Variants in CCDC187 observed in about 807,000 individuals in gnomAD.
CCDC187 encodes the protein coiled-coil domain-containing protein 187.
CCDC187 carries 32 observed loss-of-function variants against 38.0 expected under a neutral mutation model. That is an observed-to-expected ratio of 0.84 (90% confidence interval 0.64 to 1.13). CCDC187 has a LOEUF of 1.13. Ranked by LOEUF, CCDC187 falls within the 50% of genes most tolerant of loss-of-function variation. The pLI, the probability that CCDC187 is intolerant of heterozygous loss-of-function variation, is 0.00. For synonymous variants in CCDC187, 333 were observed against 347.9 expected (o/e 0.96, Z 0.48); for missense variants, 707 against 786.8 (o/e 0.90, Z 1.21).
chr9:136,294,070 ACT>A (rs1290072637), intron 4 of CCDC187, among the ~76,000 whole-genome samples: 1 of 142,996 alleles, frequency 7.0e-6, no homozygotes, highest in Non-Finnish European at 1.5e-5. Flanking sequence ...GCTCTCACAC[ACT>A]CACACGCTCA....
chr9:136,293,321 T>G lies in CCDC187; in HGVS notation c.833-1026A>C, dbSNP rs1212064165. ...CAAACACATGTTCACACACTCACAC[T>G]CACATGCTTACACACTCACACTCAC... On this transcript the variant is annotated intron_variant, in intron 4 of 25. Transcript: ENST00000638797. Among the ~76,000 whole-genome samples the G allele has an allele frequency of 1.0e-3, 136 of 130,752 alleles. 1 individual carries two copies. Among genetic ancestry groups the G allele is most frequent in the Middle Eastern group, 0.011 (2 of 182 alleles). 85.8% of individuals were successfully genotyped at this position (130,752 alleles called of 152,430 possible). A position where few individuals can be genotyped will look rare whatever the true frequency, so the allele number is the denominator to read the frequency against.
intron 12 of CCDC187, among the ~76,000 whole-genome samples, chr9:136,275,300 C>T (rs1016031822): frequency 2.0e-5 from 3 of 152,100 alleles, no homozygotes; most frequent in Non-Finnish European, 4.4e-5. Context: ...AACCCCAGCT[C>T]CGGTCCCGGC....
intron 9 of CCDC187, among the ~76,000 whole-genome samples, chr9:136,281,896 G>A (rs1831053077): frequency 6.6e-6 from 1 of 152,150 alleles, no homozygotes; most frequent in Non-Finnish European, 1.5e-5. Flanking sequence ...GCAGGGGTGA[G>A]TGGGTGGGGC....
chr9:136,279,860 G>A (rs1312506142), intron 10 of CCDC187, among the ~76,000 whole-genome samples: 2 of 152,240 alleles, frequency 1.3e-5, no homozygotes, highest in African/African-American at 4.8e-5. Flanking sequence ...GAATGGATGA[G>A]TGCCATCATT....
Position 136,291,284 on chromosome 9 carries a change from A to G in CCDC187, c.1329T>C (p.Ser443=). The change falls in exon 6 of 26, where the codon AGT becomes AGC. Residue 443 remains serine, a synonymous_variant. Coordinates refer to ENST00000638797, the MANE Select transcript of CCDC187 (RefSeq NM_001378188.1). ...RKHSSLERAR[S]VHTWEPWSSS... is the part of the protein sequence containing the mutation. ...AGCTCCAGGGCTCCCAGGTGTGGAC[A>G]CTCCTAGCCCTCTCTAAAGAGGAAT... The G allele has an allele frequency of 2.5e-6, 1 of 398,616 alleles. No individual in the cohort carries two copies. Among genetic ancestry groups the G allele is most frequent in the African/African-American group, 2.1e-5 (1 of 48,710 alleles). The allele number at this position is 398,616 out of a possible 1,614,324, so 24.7% of individuals were successfully genotyped here.
At chr9:136,262,798 C>T (rs1830695059) in intron 18 of CCDC187, among the ~76,000 whole-genome samples, 1 of 152,192 alleles carries the variant, frequency 6.6e-6, no homozygotes, top group Non-Finnish European at 1.5e-5. Context: ...TCATTCAATC[C>T]TCATCCCCAC....
intron 4 of CCDC187, among the ~76,000 whole-genome samples, chr9:136,293,481 T>C (rs1405840254): frequency 1.5e-5 from 2 of 129,720 alleles, no homozygotes; most frequent in African/African-American, 3.2e-5. Context: ...GCTCACACAC[T>C]CACAAACACA....
At chr9:136,282,257 G>A (rs1831062862) in intron 9 of CCDC187, among the ~76,000 whole-genome samples, 1 of 152,202 alleles carries the variant, frequency 6.6e-6, no homozygotes, top group Non-Finnish European at 1.5e-5. Flanking sequence ...CTGTGACCAT[G>A]GAGGCAGGTA....
chr9:136,298,178 A>G (rs1471616505), intron 3 of CCDC187, among the ~76,000 whole-genome samples: 4 of 152,180 alleles, frequency 2.6e-5, no homozygotes, highest in African/African-American at 9.6e-5. Flanking sequence ...TCCAGCACCC[A>G]GCTGGGGGCC....
chr9:136,258,883 G>A lies in CCDC187; in HGVS notation c.4366+49C>T. 1.0e-6 allele frequency: 1 copy of A among 985,578 alleles called. No individual in the cohort carries two copies. The highest frequency in any genetic ancestry group is 1.2e-6 in the Non-Finnish European group (1 of 830,038). 61.1% of individuals were successfully genotyped at this position (985,578 alleles called of 1,614,324 possible). A position where few individuals can be genotyped will look rare whatever the true frequency, so the allele number is the denominator to read the frequency against. ...CGGACAGGCTCTGCTGGATGTGGGG[G>A]AAGTGTCTGGCGCCGTGGAGGCCCA... On this transcript the variant is annotated intron_variant, in intron 22 of 25. Coordinates refer to ENST00000638797, the MANE Select transcript of CCDC187 (RefSeq NM_001378188.1). The surrounding 1 kb of genome is among the most constrained non-coding windows in gnomAD (Gnocchi z 4.3).
chr9:136,267,674 T>C, intron 15 of CCDC187, 163 bp from the exon 16 acceptor site: 1 of 903,710 alleles, frequency 1.1e-6, no homozygotes, highest in Non-Finnish European at 1.3e-6. Context: ...GCCCCTCCCA[T>C]CCCCCTATGC....
chr9:136,305,997 G>A (rs1461516826), upstream of CCDC187, among the ~76,000 whole-genome samples: 3 of 152,208 alleles, frequency 2.0e-5, no homozygotes, highest in Admixed American at 6.5e-5. Context: ...TCCGTGCCAC[G>A]GGGACCGCTC....
intron 10 of CCDC187, among the ~76,000 whole-genome samples, chr9:136,279,305 G>T (rs945683473): frequency 0.033 from 5,082 of 152,254 alleles, 130 homozygotes; most frequent in Non-Finnish European, 0.05. Context: ...AGTCTAGAAG[G>T]TTCCATTGGA....
intron 19 of CCDC187, among the ~76,000 whole-genome samples, chr9:136,260,741 CT>C: frequency 6.6e-6 from 1 of 152,316 alleles, no homozygotes; most frequent in East Asian, 1.9e-4. Flanking sequence ...AAGGGTGCCC[CT>C]GAGCATTTCC....
intron 21 of CCDC187, 61 bp downstream of exon 21, chr9:136,259,302 G>GCAGAATGTTGT (rs782618825): frequency 1.9e-6 from 1 of 539,554 alleles, no homozygotes; most frequent in Non-Finnish European, 2.3e-6. Context: ...CAGAATGTTG[G>GCAGAATGTTGT]GGGGGGGTGG....
At chr9:136,301,310 T>A (rs1436397409) in intron 2 of CCDC187, among the ~76,000 whole-genome samples, 1 of 149,360 alleles carries the variant, frequency 6.7e-6, no homozygotes, top group African/African-American at 2.5e-5. Context: ...TGCACTGCCT[T>A]AAAAAAACAA....
intron 4 of CCDC187, among the ~76,000 whole-genome samples, chr9:136,293,996 A>G (rs961609227): frequency 1.9e-4 from 28 of 144,820 alleles, no homozygotes; most frequent in Admixed American, 1.2e-3. Flanking sequence ...ACACACTCAC[A>G]CTCATATACA....
chr9:136,303,330 A>G, intron 1 of CCDC187, 37 bp from the exon 2 acceptor site: 1 of 396,282 alleles, frequency 2.5e-6, no homozygotes, highest in Non-Finnish European at 4.4e-6. Context: ...TCAGACATGC[A>G]GGCGCAGAGG....
At position 136,257,118 on chromosome 9, in the gene CCDC187, T is replaced by C. The variant is rs879976579; in HGVS notation, c.4367-277A>G. On this transcript the variant is annotated intron_variant, in intron 22 of 25. Coordinates refer to ENST00000638797, the MANE Select transcript of CCDC187 (RefSeq NM_001378188.1). The surrounding 1 kb of genome is among the most constrained non-coding windows in gnomAD (Gnocchi z 4.5). ...GGCTGGGCGCAGTGGCTCACGCCTA[T>C]AATCCCAGCACTCTGGGAGGCCGAG... 3.3e-5 allele frequency among the ~76,000 whole-genome samples: 5 copies of C among 152,220 alleles called. No homozygotes were observed. Among genetic ancestry groups the C allele is most frequent in the Admixed American group, 1.3e-4 (2 of 15,282 alleles).
Sources: allele counts gnomAD v4.1 joint callset (sites outside exome capture counted in the v4.1 genomes callset), GRCh38; gene constraint gnomAD v4.1.1; non-coding constraint Gnocchi (gnomAD v3.1); transcripts MANE v1.5; gene names NCBI Gene and HGNC (gene_info 2026-07-23, HGNC 2026-07-21).